The following GAREM2 variants were observed in gnomAD, a reference collection of about 807,000 sequenced individuals.
GAREM2 encodes GRB2 associated regulator of MAPK1 subtype 2.
Under a neutral mutation model 55.6 loss-of-function variants are expected in GAREM2, and 30 were observed. The observed-to-expected ratio is 0.54, with a 90% CI of 0.40 to 0.73. The LOEUF (loss-of-function observed/expected upper bound fraction) is 0.73, where lower values mean the gene tolerates loss of function less well. Ranked by LOEUF, GAREM2 falls within the 30% of genes least tolerant of loss-of-function variation. GAREM2 has a pLI of 0.00. For synonymous variants in GAREM2, 550 were observed against 569.1 expected (o/e 0.97, Z 0.48); for missense variants, 1,075 against 1,257.7 (o/e 0.85, Z 2.20).
the GAREM2 span, chr2:26,201,014 G>C: frequency 1.5e-5 from 11 of 747,412 alleles, no homozygotes; most frequent in South Asian, 1.5e-4. Context: ...TTATAGGCGT[G>C]AGCCACCATG....
rs1335296393 is a variant in GAREM2, at chr2:26,184,358, C to T, written c.510C>T (p.Arg170=). 1 of 1,547,114 alleles carries T rather than the reference C, an allele frequency of 6.5e-7. No individual in the cohort carries two copies. Among genetic ancestry groups the T allele is most frequent in the Non-Finnish European group, 8.7e-7 (1 of 1,144,938 alleles). Residue 170 remains arginine, a synonymous_variant, in exon 4 of 6, where the codon CGC becomes CGT. Coordinates refer to ENST00000401533, the MANE Select transcript of GAREM2 (RefSeq NM_001168241.2). ...CCAAGACCACCAAGGAGCGCTCGCG[C>T]TTCACCACCCTCCTGCGAAAGCTGG... is the stretch of plus-strand genomic sequence containing the variant. ...LCAKTTKERS[R]FTTLLRKLGR...
At chr2:26,184,124 C>T in intron 3 of GAREM2, 109 bp from the exon 4 acceptor site, 2 of 1,469,938 alleles carry the variant, frequency 1.4e-6, no homozygotes, top group Non-Finnish European at 9.1e-7. Context: ...GTCCGAGCCC[C>T]GGGAGGGCGG....
the GAREM2 span, chr2:26,195,262 C>G: frequency 2.5e-5 from 40 of 1,598,134 alleles, no homozygotes; most frequent in Middle Eastern, 1.7e-4. Flanking sequence ...GCCAACAGAT[C>G]GGAGAATGCG....
the GAREM2 span, among the ~76,000 whole-genome samples, chr2:26,203,204 T>C: frequency 1.3e-5 from 2 of 152,242 alleles, no homozygotes; most frequent in African/African-American, 4.8e-5. Context: ...GTTAGCATTA[T>C]GGCAGCAATA....
chr2:26,187,477 C>G lies in GAREM2; in HGVS notation c.1845C>G (p.Phe615Leu). 6.5e-7 allele frequency: 1 copy of G among 1,547,808 alleles called. No individual in the cohort carries two copies. Among genetic ancestry groups the G allele is most frequent in the Non-Finnish European group, 8.7e-7 (1 of 1,145,270 alleles). ...CCTACCACAGCTGCCCTCCTCTATT[C>G]AAGCCCTCACATCCCCAGAAGCGCT... Reference protein sequence around the residue: ...VKTYHSCPPLFKPSHPQKRFA... With the variant: ...VKTYHSCPPLLKPSHPQKRFA... The change falls in exon 6 of 6, where the codon TTC (phenylalanine) becomes TTG (leucine). Residue 615 changes from phenylalanine to leucine, a missense_variant. Physicochemically the swap from Phe to Leu is conservative, Grantham distance 22 (BLOSUM62 0). This residue lies in a region of GAREM2 where 515 missense variants were observed against 501.5 expected (regional missense o/e 1.03). Coordinates refer to ENST00000401533, the MANE Select transcript of GAREM2 (RefSeq NM_001168241.2).
At chr2:26,176,506 G>A in intron 2 of GAREM2, 22 bp downstream of exon 2, 1 of 1,516,038 alleles carries the variant, frequency 6.6e-7, no homozygotes, top group Non-Finnish European at 8.9e-7. Context: ...CAGGACAGAT[G>A]TCATAAAGCC....
chr2:26,187,667 CCCCCCTCCTCCTGCG>C lies in GAREM2; in HGVS notation c.2048_2062del (p.Cys683_Ser687del). 2 of 1,508,064 alleles carry C rather than the reference CCCCCCTCCTCCTGCG, an allele frequency of 1.3e-6. No individual in the cohort carries two copies. Among genetic ancestry groups the C allele is most frequent in the Non-Finnish European group, 1.8e-6 (2 of 1,120,772 alleles). The allele number at this position is 1,508,064 out of a possible 1,614,324, so 93.4% of individuals were successfully genotyped here. A position where few individuals can be genotyped will look rare whatever the true frequency, so the allele number is the denominator to read the frequency against. ...GCCAGGCCAGGCCTATTCAGCTGCT[CCCCCCTCCTCCTGCG>C]CCCCCTCCTCCTCCTCTTCTTCTGA... On this transcript the variant is annotated inframe_deletion, in exon 6 of 6. Coordinates refer to ENST00000401533, the MANE Select transcript of GAREM2 (RefSeq NM_001168241.2).
intron 2 of GAREM2, chr2:26,182,536 C>T (rs1219412883): frequency 1.3e-6 from 2 of 1,510,874 alleles, no homozygotes; most frequent in African/African-American, 1.4e-5. Context: ...CAGATGAGGA[C>T]CCAGAGGCCC....
chr2:26,198,351 C>T, the GAREM2 span, among the ~76,000 whole-genome samples: 1 of 149,448 alleles, frequency 6.7e-6, no homozygotes, highest in Non-Finnish European at 1.5e-5. Context: ...ATTCTGGCCA[C>T]GATCCCAACT....
intron 2 of GAREM2, among the ~76,000 whole-genome samples, chr2:26,178,269 A>AT (rs1254918190): frequency 2.0e-5 from 3 of 152,246 alleles, no homozygotes; most frequent in African/African-American, 4.8e-5. Flanking sequence ...TCTTCTTGGG[A>AT]TAAAAAAAGC....
downstream of GAREM2, chr2:26,192,309 C>A (rs1167218743): frequency 6.6e-7 from 1 of 1,508,512 alleles, no homozygotes; most frequent in Non-Finnish European, 9.2e-7. Context: ...AACGGACTTA[C>A]ACTTCAGACT....
intron 2 of GAREM2, chr2:26,180,818 A>G: frequency 1.6e-6 from 1 of 609,016 alleles, no homozygotes; most frequent in Non-Finnish European, 2.1e-6. Context: ...GGGTTTCACC[A>G]TGTTGGCCAG....
chr2:26,192,269 G>T, downstream of GAREM2: 2 of 1,031,480 alleles, frequency 1.9e-6, no homozygotes, highest in Non-Finnish European at 1.5e-6. Context: ...GGCTGTCAGA[G>T]AAAGTCAATT....
intron 4 of GAREM2, among the ~76,000 whole-genome samples, chr2:26,185,861 TTCTC>T (rs987605268): frequency 2.0e-5 from 3 of 152,198 alleles, no homozygotes; most frequent in Non-Finnish European, 4.4e-5. Context: ...GTCCTCTGCT[TTCTC>T]TCCTTTTCCT....
Position 26,188,015 on chromosome 2 carries a change from C to T in GAREM2, c.2383C>T (p.Arg795Ter), listed in dbSNP as rs988481912. 9.8e-5 allele frequency: 146 copies of T among 1,487,780 alleles called. No individual in the cohort carries two copies. Among genetic ancestry groups the T allele is most frequent in the Non-Finnish European group, 1.3e-4 (140 of 1,110,438 alleles). 92.2% of individuals were successfully genotyped at this position (1,487,780 alleles called of 1,614,324 possible). Residue 795 changes from arginine (R) to a stop codon, truncating the protein, a stop_gained, in exon 6 of 6, where the codon CGA (arginine) becomes TGA (stop). Coordinates refer to ENST00000401533, the MANE Select transcript of GAREM2 (RefSeq NM_001168241.2). LOFTEE classifies it high-confidence loss of function. ...PRDGATGFGV[R>*]DASSWQPPAD... ...GGATGGAGCCACAGGCTTTGGAGTC[C>T]GAGATGCCTCCTCCTGGCAGCCCCC...
rs575032897 is a variant in GAREM2, at chr2:26,176,962, A to G, written c.253+478A>G. Among the ~76,000 whole-genome samples, 3 of 152,270 alleles carry G rather than the reference A, an allele frequency of 2.0e-5. No homozygotes were observed. The South Asian group carries it at 6.2e-4, about 32-fold the overall frequency. ...TTTTCCCAATTTTTGCGTTAAACCT[A>G]TTGTTTCCATTGGTTGACTTTATAA... On this transcript the variant is annotated intron_variant, in intron 2 of 5. Coordinates refer to ENST00000401533, the MANE Select transcript of GAREM2 (RefSeq NM_001168241.2).
Position 26,184,517 on chromosome 2 carries a change from C to T in GAREM2, c.669C>T (p.Thr223=). ...MPCLICMNHR[T]NESLSLPFQC... ...GCCTCATCTGCATGAACCACCGCAC[C>T]AACGAAAGCCTGAGCCTGCCCTTTC... The change falls in exon 4 of 6, where the codon ACC becomes ACT. Residue 223 remains threonine (T), a synonymous_variant. Coordinates refer to ENST00000401533, the MANE Select transcript of GAREM2 (RefSeq NM_001168241.2). 1.9e-6 allele frequency: 3 copies of T among 1,546,588 alleles called. No individual in the cohort carries two copies. Among genetic ancestry groups the T allele is most frequent in the Non-Finnish European group, 2.6e-6 (3 of 1,145,334 alleles).
Position 26,184,968 on chromosome 2 carries a change from AGCCCGCGCCGCGCGCGCCTCTGCCT to A in GAREM2, c.1136_1160del (p.Arg379ProfsTer11), listed in dbSNP as rs1376710395. ...AGCGGAGCTCGCCGAAGACTGCGCC[AGCCCGCGCCGCGCGCGCCTCTGCCT>A]GCCCGCGCCGCGCGCCCCCGGGCTC... On this transcript the variant is annotated frameshift_variant, in exon 4 of 6. Transcript: ENST00000401533. LOFTEE classifies it high-confidence loss of function. The A allele has an allele frequency of 2.7e-5, 33 of 1,207,356 alleles. No individual in the cohort carries two copies. Among genetic ancestry groups the A allele is most frequent in the East Asian group, 6.9e-5 (2 of 28,960 alleles). The allele number at this position is 1,207,356 out of a possible 1,614,324, so 74.8% of individuals were successfully genotyped here.
At chr2:26,182,458 A>T (rs781618613) in intron 2 of GAREM2, 81 of 1,550,452 alleles carry the variant, frequency 5.2e-5, no homozygotes, top group Non-Finnish European at 6.5e-5. Context: ...CATGCGGATC[A>T]GCAGCCCAGG....
Sources: gnomAD v4.1 joint callset for allele counts (sites outside exome capture counted in the v4.1 genomes callset) on GRCh38, gnomAD v4.1.1 for gene constraint, gnomAD v4.1.1 regional missense constraint, MANE v1.5 for transcripts, NCBI Gene and HGNC (gene_info 2026-07-23, HGNC 2026-07-21) for gene names.